The following ASGR2 variants were observed in gnomAD, a reference collection of about 807,000 sequenced individuals.
ASGR2 encodes asialoglycoprotein receptor 2.
Under a neutral mutation model 32.3 loss-of-function variants are expected in ASGR2, and 34 were observed. That is an observed-to-expected ratio of 1.05 (90% CI 0.80 to 1.40). ASGR2 has a LOEUF of 1.40. ASGR2 is among the 40% of genes most tolerant of loss of function. ASGR2 has a pLI of 0.00. For missense variants in ASGR2, 385 were observed against 386.4 expected (o/e 1.00, Z 0.03); for synonymous variants, 143 against 150.0 (o/e 0.95, Z 0.34).
intron 7 of ASGR2, among the ~76,000 whole-genome samples, chr17:7,104,052 A>G (rs973212846): frequency 1.3e-5 from 2 of 149,134 alleles, no homozygotes; most frequent in Non-Finnish European, 3.0e-5. Context: ...TTTGAGCTAC[A>G]TACTAAAAAA....
In ASGR2 at chr17:7,107,813, A is replaced by G. The variant is rs1403885683; in HGVS notation, c.409+23T>C. On this transcript the variant is annotated intron_variant, in intron 5 of 8. Coordinates refer to ENST00000691900, the MANE Select transcript of ASGR2 (RefSeq NM_001201352.2). The surrounding 1 kb of genome is among the most constrained non-coding windows in gnomAD (Gnocchi z 5.0). ...CACGTACACATGCACGCACATGCGC[A>G]CACACCCCGGAGGCTCTCTGACCTG... 6.2e-7 allele frequency: 1 copy of G among 1,613,606 alleles called. No individual in the cohort carries two copies. Among genetic ancestry groups the G allele is most frequent in the Non-Finnish European group, 8.5e-7 (1 of 1,179,788 alleles).
Position 7,107,534 on chromosome 17 carries a change from CCA to C in ASGR2, c.410-219_410-218del, listed in dbSNP as rs376487288. On this transcript the variant is annotated intron_variant, in intron 5 of 8. Transcript: ENST00000691900. The surrounding 1 kb of genome is among the most constrained non-coding windows in gnomAD (Gnocchi z 5.0). ...ACACACAAACACACCAAGAGACACACCACACACATCACATGCGTACACACACA... is the reference window on the plus strand; with the variant it reads ...ACACACAAACACACCAAGAGACACACCACACATCACATGCGTACACACACA... 6 of 639,924 alleles carry C rather than the reference CCA, an allele frequency of 9.4e-6. No individual in the cohort carries two copies. Among genetic ancestry groups the C allele is most frequent in the African/African-American group, 9.1e-5 (5 of 54,836 alleles). 39.6% of individuals were successfully genotyped at this position (639,924 alleles called of 1,614,324 possible). A position where few individuals can be genotyped will look rare whatever the true frequency, so the allele number is the denominator to read the frequency against.
rs1160561596 is a variant in ASGR2 at position 7,108,845 on chromosome 17, C to A, written c.168G>T (p.Met56Ile). 6.2e-7 allele frequency: 1 copy of A among 1,612,012 alleles called. No homozygotes were observed. Among genetic ancestry groups the A allele is most frequent in the Admixed American group, 1.7e-5 (1 of 59,558 alleles). The change falls in exon 3 of 9, where the codon ATG (methionine) becomes ATT (isoleucine). Residue 56 changes from methionine (M) to isoleucine (I), a missense_variant. Coordinates refer to ENST00000691900, the MANE Select transcript of ASGR2 (RefSeq NM_001201352.2). The surrounding 1 kb of genome is among the most constrained non-coding windows in gnomAD (Gnocchi z 4.9). The stretch of plus-strand genomic sequence containing the variant: ...TCAGGGCAAGCAGACTGAAGCAGAC[C>A]ATGGAGCAGAGACGCTGTGCCAGGG... ...AQPLAQRLCSMVCFSLLALSF... is the reference protein window; with the variant it reads ...AQPLAQRLCSIVCFSLLALSF...
At chr17:7,103,387 A>G (rs532747022) in intron 7 of ASGR2, among the ~76,000 whole-genome samples, 1 of 152,328 alleles carries the variant, frequency 6.6e-6, no homozygotes, top group Non-Finnish European at 1.5e-5. Flanking sequence ...GTTGGAGAGA[A>G]AGTGCCTGGA....
In ASGR2 at chr17:7,107,099, G is replaced by C. The variant is rs757595411; in HGVS notation, c.549C>G (p.Cys183Trp). The change falls in exon 7 of 9, where the codon TGC becomes TGG. Residue 183 changes from cysteine (C) to tryptophan (W), a missense_variant. By Grantham distance (215) the Cys-to-Trp change is radical (BLOSUM62 -2). Coordinates refer to ENST00000691900, the MANE Select transcript of ASGR2 (RefSeq NM_001201352.2). The surrounding 1 kb of genome is among the most constrained non-coding windows in gnomAD (Gnocchi z 5.0). ...CCTTCCCGGAGTGAGAGAACCAGTAGCAGCTGCCTTGGTGCTCCACCCAGT... is the reference window on the plus strand; with the variant it reads ...CCTTCCCGGAGTGAGAGAACCAGTACCAGCTGCCTTGGTGCTCCACCCAGT... Reference protein sequence around the residue: ...PVNWVEHQGSCYWFSHSGKAW... With the variant: ...PVNWVEHQGSWYWFSHSGKAW... 2 of 1,614,146 alleles carry C rather than the reference G, an allele frequency of 1.2e-6. No individual in the cohort carries two copies. Among genetic ancestry groups the C allele is most frequent in the Non-Finnish European group, 1.7e-6 (2 of 1,180,026 alleles).
chr17:7,108,876 G>T lies in ASGR2; in HGVS notation c.137C>A (p.Ala46Asp). Residue 46 changes from alanine (A) to aspartate (D), a missense_variant, in exon 3 of 9, where the codon GCC becomes GAC. Physicochemically the swap from Ala to Asp is moderately radical, Grantham distance 126. Coordinates refer to ENST00000691900, the MANE Select transcript of ASGR2 (RefSeq NM_001201352.2). This position sits in a 1 kb window ranked among gnomAD's most constrained non-coding sequence, Gnocchi z 4.9. ...GCAGAGACGCTGTGCCAGGGGCTGG[G>T]CAGGAGGTGGCCCTGTGGGAGAGGG... ...GNPFLKGPPP[A>D]QPLAQRLCSM... 1 of 1,583,132 alleles carries T rather than the reference G, an allele frequency of 6.3e-7. No individual in the cohort carries two copies. The highest frequency in any genetic ancestry group is 1.1e-5 in the South Asian group (1 of 87,262).
chr17:7,107,377 GC>G lies in ASGR2; in HGVS notation c.410-61del, dbSNP rs1353953803. 9 of 1,567,054 alleles carry G rather than the reference GC, an allele frequency of 5.7e-6. No homozygotes were observed. The African/African-American group carries it at 1.2e-4, about 21-fold the overall frequency. ...TGTGGTCCCCACCTGCTAGGCTCCA[GC>G]CTGTGGCTGGGGAAGCATATACACC... On this transcript the variant is annotated intron_variant, in intron 5 of 8. Transcript: ENST00000691900. The surrounding 1 kb of genome is among the most constrained non-coding windows in gnomAD (Gnocchi z 5.0).
At position 7,107,297 on chromosome 17, in the gene ASGR2, G is replaced by A; in HGVS notation, c.430C>T (p.His144Tyr). ...AGGTCCACGGGGAAGTGCTTCAGAT[G>A]GAAGAGCAGGGCATCGTGATCTAGG... is the stretch of plus-strand genomic sequence containing the variant. ...LKADHDALLF[H>Y]LKHFPVDLRF... Residue 144 changes from histidine (H) to tyrosine (Y), a missense_variant, in exon 6 of 9, where the codon CAT becomes TAT. His to Tyr is a moderately conservative substitution (Grantham distance 83). Transcript: ENST00000691900. This position sits in a 1 kb window ranked among gnomAD's most constrained non-coding sequence, Gnocchi z 5.0. 1.2e-6 allele frequency: 2 copies of A among 1,613,626 alleles called. No individual in the cohort carries two copies. Among genetic ancestry groups the A allele is most frequent in the Admixed American group, 3.3e-5 (2 of 60,030 alleles).
chr17:7,107,280 G>C lies in ASGR2; in HGVS notation c.447C>G (p.Pro149=), dbSNP rs778828209. 1 of 1,613,964 alleles carries C rather than the reference G, an allele frequency of 6.2e-7. No homozygotes were observed. Among genetic ancestry groups the C allele is most frequent in the South Asian group, 1.1e-5 (1 of 91,086 alleles). ...GGCAGGCCACGAAGCGCAGGTCCAC[G>C]GGGAAGTGCTTCAGATGGAAGAGCA... is the stretch of plus-strand genomic sequence containing the variant. ...DALLFHLKHF[P]VDLRFVACQM... Residue 149 remains proline, a synonymous_variant, in exon 6 of 9, where the codon CCC becomes CCG. Coordinates refer to ENST00000691900, the MANE Select transcript of ASGR2 (RefSeq NM_001201352.2). This position sits in a 1 kb window ranked among gnomAD's most constrained non-coding sequence, Gnocchi z 5.0.
At chr17:7,109,017 C>A (rs947544762) in intron 2 of ASGR2, 129 bp from the exon 3 acceptor site, 4 of 907,712 alleles carry the variant, frequency 4.4e-6, no homozygotes, top group Middle Eastern at 3.4e-4. Flanking sequence ...GGGGGGTCAT[C>A]ATAGGCTTTG....
chr17:7,107,059 C>T lies in ASGR2; in HGVS notation c.589G>A (p.Glu197Lys), dbSNP rs375109585. ...SHSGKAWAEAEKYCQLENAHL... is the reference protein window; with the variant it reads ...SHSGKAWAEAKKYCQLENAHL... ...GCGTTCTCCAGCTGGCAGTACTTCTCCGCCTCAGCCCAGGCCTTCCCGGAG... is the reference window on the plus strand; with the variant it reads ...GCGTTCTCCAGCTGGCAGTACTTCTTCGCCTCAGCCCAGGCCTTCCCGGAG... Residue 197 changes from glutamate to lysine, a missense_variant, in exon 7 of 9, where the codon GAG (glutamate) becomes AAG (lysine). By Grantham distance (56) the Glu-to-Lys change is moderately conservative (BLOSUM62 1). Transcript: ENST00000691900. This position sits in a 1 kb window ranked among gnomAD's most constrained non-coding sequence, Gnocchi z 5.0. The T allele has an allele frequency of 1.5e-5, 24 of 1,614,068 alleles. No individual in the cohort carries two copies. The African/African-American group carries it at 1.9e-4, about 13-fold the overall frequency.
Position 7,107,477 on chromosome 17 carries a change from C to A in ASGR2, c.410-160G>T. On this transcript the variant is annotated intron_variant, in intron 5 of 8. Coordinates refer to ENST00000691900, the MANE Select transcript of ASGR2 (RefSeq NM_001201352.2). This position sits in a 1 kb window ranked among gnomAD's most constrained non-coding sequence, Gnocchi z 5.0. ...ACACACCACAGACATGTACACCACACATAGACCACACCACACACAGATCCA... is the reference window on the plus strand; with the variant it reads ...ACACACCACAGACATGTACACCACAAATAGACCACACCACACACAGATCCA... The A allele has an allele frequency of 1.4e-6, 1 of 725,672 alleles. No individual in the cohort carries two copies. Among genetic ancestry groups the A allele is most frequent in the Non-Finnish European group, 2.3e-6 (1 of 430,462 alleles). The allele number at this position is 725,672 out of a possible 1,614,324, so 45.0% of individuals were successfully genotyped here.
chr17:7,108,017 G>A lies in ASGR2; in HGVS notation c.338-110C>T. 1 of 1,283,038 alleles carries A rather than the reference G, an allele frequency of 7.8e-7. No homozygotes were observed. 79.5% of individuals were successfully genotyped at this position (1,283,038 alleles called of 1,614,324 possible). ...TGGGCGATGCAGGCGTCCACCTCCT[G>A]GCTTCCTGGACCACACCCAGGCTCC... On this transcript the variant is annotated intron_variant, in intron 4 of 8. Transcript: ENST00000691900. The surrounding 1 kb of genome is among the most constrained non-coding windows in gnomAD (Gnocchi z 4.9).
Position 7,113,896 on chromosome 17 carries a change from G to A in ASGR2, c.124+221C>T, listed in dbSNP as rs1424502917. On this transcript the variant is annotated intron_variant, in intron 2 of 8. Transcript: ENST00000691900. This position sits in a 1 kb window ranked among gnomAD's most constrained non-coding sequence, Gnocchi z 5.1. ...GGCACATGTGTTCTTGGGTTGGGAG[G>A]AGAAGGGCAGGCAGTTATCTTCCAG... Among the ~76,000 whole-genome samples the A allele has an allele frequency of 2.6e-5, 4 of 152,260 alleles. No homozygotes were observed. The highest frequency in any genetic ancestry group is 5.9e-5 in the Non-Finnish European group (4 of 68,050).
intron 7 of ASGR2, among the ~76,000 whole-genome samples, chr17:7,105,030 A>G (rs187542912): frequency 1.7e-3 from 254 of 151,942 alleles, no homozygotes; most frequent in African/African-American, 5.9e-3. Context: ...GGAACCTAGG[A>G]AAGGAAAGAC....
Position 7,108,847 on chromosome 17 carries a change from T to C in ASGR2, c.166A>G (p.Met56Val), listed in dbSNP as rs777324516. The C allele has an allele frequency of 6.2e-7, 1 of 1,611,278 alleles. No individual in the cohort carries two copies. Among genetic ancestry groups the C allele is most frequent in the South Asian group, 1.1e-5 (1 of 90,616 alleles). Residue 56 changes from methionine (M) to valine (V), a missense_variant, in exon 3 of 9, where the codon ATG (methionine) becomes GTG (valine). Coordinates refer to ENST00000691900, the MANE Select transcript of ASGR2 (RefSeq NM_001201352.2). This position sits in a 1 kb window ranked among gnomAD's most constrained non-coding sequence, Gnocchi z 4.9. Reference protein sequence around the residue: ...AQPLAQRLCSMVCFSLLALSF... With the variant: ...AQPLAQRLCSVVCFSLLALSF... ...AGGGCAAGCAGACTGAAGCAGACCA[T>C]GGAGCAGAGACGCTGTGCCAGGGGC...
Position 7,107,552 on chromosome 17 carries a change from TACACACACATATACCATACCGC to T in ASGR2, c.410-257_410-236del. On this transcript the variant is annotated intron_variant, in intron 5 of 8. Transcript: ENST00000691900. The surrounding 1 kb of genome is among the most constrained non-coding windows in gnomAD (Gnocchi z 5.0). ...AGACACACCACACACATCACATGCG[TACACACACATATACCATACCGC>T]ACACACACAGACTCATCTCACACAC... 1 of 599,440 alleles carries T rather than the reference TACACACACATATACCATACCGC, an allele frequency of 1.7e-6. No individual in the cohort carries two copies. 37.1% of individuals were successfully genotyped at this position (599,440 alleles called of 1,614,324 possible). A position where few individuals can be genotyped will look rare whatever the true frequency, so the allele number is the denominator to read the frequency against.
chr17:7,105,742 GCCC>G (rs1913578917), intron 7 of ASGR2, among the ~76,000 whole-genome samples: 1 of 151,862 alleles, frequency 6.6e-6, no homozygotes, highest in African/African-American at 2.4e-5. Context: ...GCCCTGTGCT[GCCC>G]CTCAGGGAAT....
chr17:7,111,212 C>T (rs1914573071), intron 2 of ASGR2, among the ~76,000 whole-genome samples: 1 of 152,196 alleles, frequency 6.6e-6, no homozygotes, highest in Non-Finnish European at 1.5e-5. Flanking sequence ...AGATCCAGAA[C>T]TGACACGGAT....
Sources: allele counts gnomAD v4.1 joint callset (sites outside exome capture counted in the v4.1 genomes callset), GRCh38; gene constraint gnomAD v4.1.1; non-coding constraint Gnocchi (gnomAD v3.1); transcripts MANE v1.5; gene names NCBI Gene and HGNC (gene_info 2026-07-23, HGNC 2026-07-21).